GAPVD1: variants seen among roughly 807,000 people sequenced by gnomAD.
The protein encoded by GAPVD1 is GTPase-activating protein and VPS9 domain-containing protein 1.
A neutral mutation model predicts 155.5 loss-of-function variants in GAPVD1; 35 were observed. That is an observed-to-expected ratio of 0.23 (90% CI 0.17 to 0.30). The LOEUF is 0.30. Ranked by LOEUF, GAPVD1 falls within the 10% of genes least tolerant of loss-of-function variation. The pLI is 1.00. For missense variants in GAPVD1, 1,429 were observed against 1,775.7 expected, an observed-to-expected ratio of 0.80 and a Z score of 3.51; for synonymous variants, 636 against 619.7, an observed-to-expected ratio of 1.03 and a Z score of -0.39.
chr9:125,308,099 T>C (rs1444019876), intron 8 of GAPVD1: 2 of 595,450 alleles, frequency 3.4e-6, no homozygotes, highest in Non-Finnish European at 5.9e-6. Context: ...TTAATTGAAG[T>C]CATGCTATCC....
intron 19 of GAPVD1, among the ~76,000 whole-genome samples, chr9:125,344,807 TAA>T (rs1189792717): frequency 7.5e-5 from 10 of 134,098 alleles, no homozygotes; most frequent in Admixed American, 7.5e-5. Flanking sequence ...TTGTTTCTAT[TAA>T]AAAAAAAAAA....
At chr9:125,336,076 T>C (rs140783919) in intron 15 of GAPVD1, among the ~76,000 whole-genome samples, 50 of 151,068 alleles carry the variant, frequency 3.3e-4, no homozygotes, top group African/African-American at 1.1e-3. Context: ...GCCCAAGAGA[T>C]TGAGGCTGCA....
intron 2 of GAPVD1, among the ~76,000 whole-genome samples, chr9:125,288,764 A>G (rs1033200509): frequency 2.0e-5 from 3 of 152,216 alleles, no homozygotes. Context: ...AAGGGAACCA[A>G]TTAGGCAAAA....
intron 8 of GAPVD1, chr9:125,309,086 CT>C (rs1313593074): frequency 2.6e-5 from 4 of 152,120 alleles, no homozygotes; most frequent in African/African-American, 4.8e-5. Context: ...GAACATAGTT[CT>C]TTTTAATTTA....
At chr9:125,347,066 A>G in intron 20 of GAPVD1, 125 bp downstream of exon 20, 1 of 873,896 alleles carries the variant, frequency 1.1e-6, no homozygotes, top group Non-Finnish European at 1.8e-6. Context: ...TCAAAATTAC[A>G]GACTGCCTAA....
intron 23 of GAPVD1, among the ~76,000 whole-genome samples, chr9:125,354,397 G>C (rs761147260): frequency 1.3e-5 from 2 of 152,140 alleles, no homozygotes; most frequent in Non-Finnish European, 2.9e-5. Flanking sequence ...AGGTAACTAA[G>C]TCTTCAGCCC....
intron 9 of GAPVD1, among the ~76,000 whole-genome samples, chr9:125,319,762 T>A (rs1199449266): frequency 1.3e-5 from 2 of 151,966 alleles, no homozygotes; most frequent in African/African-American, 4.8e-5. Flanking sequence ...CCACCACACC[T>A]GGTTGATTTT....
At chr9:125,285,449 C>CTTT (rs1588645911) in intron 2 of GAPVD1, among the ~76,000 whole-genome samples, 7 of 98,494 alleles carry the variant, frequency 7.1e-5, no homozygotes, top group South Asian at 6.5e-4. Flanking sequence ...TTTCTTTTTT[C>CTTT]TTTGTTTTTT....
At chr9:125,309,299 G>A (rs934653125) in intron 8 of GAPVD1, 2 of 151,898 alleles carry the variant, frequency 1.3e-5, no homozygotes, top group African/African-American at 4.8e-5. Flanking sequence ...TAGAAAAAGC[G>A]ATTTTACACT....
rs187379666 is a variant in GAPVD1, at chr9:125,359,396, A to C, written c.3972-24A>C. 2,031 of 1,333,968 alleles carry C rather than the reference A, an allele frequency of 1.5e-3. 17 individuals carry two copies. Among genetic ancestry groups the C allele is most frequent in the South Asian group, 9.1e-3 (773 of 85,196 alleles). The allele number at this position is 1,333,968 out of a possible 1,614,324, so 82.6% of individuals were successfully genotyped here. The stretch of plus-strand genomic sequence containing the variant: ...CATATTTTCTGAAATGAATGTTTAC[A>C]TGTGTATTTTGGGGGGTTTTCAGGG... On this transcript the variant is annotated intron_variant, in intron 25 of 27. Coordinates refer to ENST00000297933, the MANE Select transcript of GAPVD1 (RefSeq NM_001282680.3).
At chr9:125,269,511 T>C (rs182856270) in intron 2 of GAPVD1, among the ~76,000 whole-genome samples, 1 of 151,648 alleles carries the variant, frequency 6.6e-6, no homozygotes, top group East Asian at 1.9e-4. Context: ...TTTTTTTGAG[T>C]TGGAGTCTCG....
In GAPVD1 at chr9:125,364,651, G is replaced by A. The variant is rs557425407; in HGVS notation, c.*1905G>A. 6.6e-6 allele frequency: 1 copy of A among 152,348 alleles called. No homozygotes were observed. The highest frequency in any genetic ancestry group is 1.5e-5 in the Non-Finnish European group (1 of 68,030). The allele number at this position is 152,348 out of a possible 1,614,324, so 9.4% of individuals were successfully genotyped here. A position where few individuals can be genotyped will look rare whatever the true frequency, so the allele number is the denominator to read the frequency against. On this transcript the variant is annotated 3_prime_UTR_variant, in exon 28 of 28. Coordinates refer to ENST00000297933, the MANE Select transcript of GAPVD1 (RefSeq NM_001282680.3). ...GGATGTGGTTTCTGCCTTCTAGAGA[G>A]AGATCAGAATTAAACTAGTACTATG...
chr9:125,282,781 C>T (rs1192511519), intron 2 of GAPVD1, among the ~76,000 whole-genome samples: 1 of 152,060 alleles, frequency 6.6e-6, no homozygotes, highest in Non-Finnish European at 1.5e-5. Flanking sequence ...TGGTGAAGTG[C>T]CTAGCCACAA....
In GAPVD1 at chr9:125,321,490, A is replaced by G; in HGVS notation, c.1660A>G (p.Lys554Glu). 6.2e-7 allele frequency: 1 copy of G among 1,613,120 alleles called. No homozygotes were observed. ...GQGDVPVDEN[K>E]LHGKPDKTLR... ...AGGAGATGTCCCTGTTGATGAAAAC[A>G]AACTCCATGGTAAACCTGATAAAAC... Residue 554 changes from lysine (K) to glutamate (E), a missense_variant, in exon 10 of 28, where the codon AAA becomes GAA. By Grantham distance (56) the Lys-to-Glu change is moderately conservative (BLOSUM62 1). Coordinates refer to ENST00000297933, the MANE Select transcript of GAPVD1 (RefSeq NM_001282680.3).
At chr9:125,349,806 T>C (rs1849051602) in intron 21 of GAPVD1, among the ~76,000 whole-genome samples, 2 of 151,572 alleles carry the variant, frequency 1.3e-5, no homozygotes, top group African/African-American at 2.4e-5. Flanking sequence ...GGAGACCAGC[T>C]TGGGCAACAT....
chr9:125,299,974 G>A (rs1394677257), intron 4 of GAPVD1, among the ~76,000 whole-genome samples: 14 of 128,296 alleles, frequency 1.1e-4, no homozygotes, highest in Admixed American at 3.4e-4. Flanking sequence ...AGCCAAAATC[G>A]CACCACTGCA....
In GAPVD1 at chr9:125,266,323, T is replaced by A. The variant is rs556241771; in HGVS notation, c.-198-2613T>A. Among the ~76,000 whole-genome samples, 686 of 150,156 alleles carry A rather than the reference T, an allele frequency of 4.6e-3. 8 individuals carry two copies. The highest frequency in any genetic ancestry group is 6.2e-3 in the Non-Finnish European group (417 of 67,620). On this transcript the variant is annotated intron_variant, in intron 1 of 27. Transcript: ENST00000297933. ...TATTTTATTTTATTTTATTTTATTT[T>A]TTTTTTTTTAGACGGAGTCTCGCTC...
At chr9:125,285,689 G>C (rs1223439245) in intron 2 of GAPVD1, among the ~76,000 whole-genome samples, 2 of 152,058 alleles carry the variant, frequency 1.3e-5, no homozygotes, top group African/African-American at 2.4e-5. Flanking sequence ...TCAAACTCCT[G>C]ACCTCAGGTG....
intron 14 of GAPVD1, 26 bp downstream of exon 14, chr9:125,332,086 A>G: frequency 6.2e-7 from 1 of 1,608,532 alleles, no homozygotes; most frequent in East Asian, 2.2e-5. Flanking sequence ...TTTAAGGAGT[A>G]GGGATTTGAA....
Sources: gnomAD v4.1 joint callset for allele counts (sites outside exome capture counted in the v4.1 genomes callset) on GRCh38, gnomAD v4.1.1 for gene constraint, MANE v1.5 for transcripts, NCBI Gene and HGNC (gene_info 2026-07-23, HGNC 2026-07-21) for gene names.